The following MYO1E variants were observed in gnomAD, a reference collection of about 807,000 sequenced individuals.
The protein encoded by MYO1E is unconventional myosin-Ie.
MYO1E carries 68 observed loss-of-function variants against 151.1 expected under a neutral mutation model. The observed-to-expected ratio is 0.45, with a 90% CI of 0.37 to 0.55. The LOEUF (loss-of-function observed/expected upper bound fraction) is 0.55. Among genes scored for constraint, MYO1E ranks in the 20% least tolerant of loss-of-function variants. The pLI is 0.00. For synonymous variants in MYO1E, 601 were observed against 501.7 expected, an observed-to-expected ratio of 1.20 and a Z score of -2.64; for missense variants, 1,363 against 1,389.3, an observed-to-expected ratio of 0.98 and a Z score of 0.30.
At chr15:59,372,420 C>G in intron 1 of MYO1E, 78 bp downstream of exon 1, 5 of 1,525,052 alleles carry the variant, frequency 3.3e-6, no homozygotes, top group East Asian at 2.5e-5. Flanking sequence ...GCAGCGCGCC[C>G]AAGGTGGGTG....
At chr15:59,275,188 T>G (rs1382204688) in intron 1 of MYO1E, among the ~76,000 whole-genome samples, 1 of 152,172 alleles carries the variant, frequency 6.6e-6, no homozygotes, top group East Asian at 1.9e-4. Context: ...ACTGACTTAT[T>G]GGATATTTCT....
rs1471685362 is a variant in MYO1E, at chr15:59,133,902, G to C, written c.*3478C>G. ...GATGAGTTCAGGAGGGAGTCGCAAA[G>C]AGAAGGAATTTAGATTATGTAAAAG... is the stretch of plus-strand genomic sequence containing the variant. On this transcript the variant is annotated 3_prime_UTR_variant, in exon 28 of 28. Transcript: ENST00000288235. The C allele has an allele frequency of 6.6e-6, 1 of 152,230 alleles. No homozygotes were observed. Among genetic ancestry groups the C allele is most frequent in the African/African-American group, 2.4e-5 (1 of 41,452 alleles). The allele number at this position is 152,230 out of a possible 1,614,324, so 9.4% of individuals were successfully genotyped here. A position where few individuals can be genotyped will look rare whatever the true frequency, so the allele number is the denominator to read the frequency against.
intron 9 of MYO1E, among the ~76,000 whole-genome samples, chr15:59,222,743 C>A (rs1322028783): frequency 2.6e-5 from 4 of 152,020 alleles, no homozygotes; most frequent in Non-Finnish European, 5.9e-5. Flanking sequence ...TACTCTAATC[C>A]CCATTAAAGA....
intron 18 of MYO1E, among the ~76,000 whole-genome samples, chr15:59,185,562 C>T (rs746461308): frequency 2.6e-5 from 4 of 152,136 alleles, no homozygotes; most frequent in East Asian, 1.9e-4. Flanking sequence ...CCACCGTGCC[C>T]GGCCCCTCTT....
chr15:59,371,034 C>T (rs1299705370), intron 1 of MYO1E, among the ~76,000 whole-genome samples: 1 of 152,064 alleles, frequency 6.6e-6, no homozygotes. Context: ...ACTTCTTAAA[C>T]CTTAAAACTA....
intron 15 of MYO1E, 139 bp downstream of exon 15, chr15:59,205,261 C>A: frequency 1.2e-6 from 1 of 866,078 alleles, no homozygotes; most frequent in Non-Finnish European, 2.0e-6. Context: ...CTCCTAGGAT[C>A]AAGTGATCCT....
At chr15:59,370,444 T>G (rs1471800004) in intron 1 of MYO1E, among the ~76,000 whole-genome samples, 2 of 152,252 alleles carry the variant, frequency 1.3e-5, no homozygotes, top group African/African-American at 4.8e-5. Context: ...GCACATCTCC[T>G]GTTTCAGGAC....
At chr15:59,345,927 G>A (rs1226857150) in intron 1 of MYO1E, among the ~76,000 whole-genome samples, 3 of 152,208 alleles carry the variant, frequency 2.0e-5, no homozygotes, top group East Asian at 1.9e-4. Context: ...TCCAGCAGTT[G>A]CATTGCTTTC....
At chr15:59,183,500 T>C (rs916346734) in intron 18 of MYO1E, among the ~76,000 whole-genome samples, 4 of 152,058 alleles carry the variant, frequency 2.6e-5, no homozygotes, top group Non-Finnish European at 4.4e-5. Context: ...GCACCTGGAC[T>C]GATAAGTTTT....
chr15:59,227,486 T>C lies in MYO1E; in HGVS notation c.615A>G (p.Gly205=). ...GGTAAAATATGTGAAAACTCCGCTCTCCTGGGTTCCTCATCACCACCCTAG... is the reference window on the plus strand; with the variant it reads ...GGTAAAATATGTGAAAACTCCGCTCCCCTGGGTTCCTCATCACCACCCTAG... ...EKSRVVMRNP[G]ERSFHIFYQL... is the part of the protein sequence containing the mutation. Residue 205 remains glycine, a synonymous_variant, in exon 7 of 28, where the codon GGA becomes GGG. Coordinates refer to ENST00000288235, the MANE Select transcript of MYO1E (RefSeq NM_004998.4). 6.2e-7 allele frequency: 1 copy of C among 1,614,186 alleles called. No individual in the cohort carries two copies. The highest frequency in any genetic ancestry group is 8.5e-7 in the Non-Finnish European group (1 of 1,180,024).
At chr15:59,199,438 C>T (rs2079787641) in intron 16 of MYO1E, among the ~76,000 whole-genome samples, 2 of 152,112 alleles carry the variant, frequency 1.3e-5, no homozygotes, top group South Asian at 4.1e-4. Flanking sequence ...ATCCAAAATG[C>T]TCCAAAATTT....
At chr15:59,265,269 T>G (rs2080246622) in intron 2 of MYO1E, among the ~76,000 whole-genome samples, 1 of 152,154 alleles carries the variant, frequency 6.6e-6, no homozygotes, top group African/African-American at 2.4e-5. Flanking sequence ...AATTGATCAC[T>G]GCACACAAAG....
intron 4 of MYO1E, among the ~76,000 whole-genome samples, chr15:59,244,260 G>A (rs1353526978): frequency 6.6e-6 from 1 of 152,178 alleles, no homozygotes; most frequent in East Asian, 1.9e-4. Flanking sequence ...GCTCATCTTG[G>A]CCCAGCCTGA....
chr15:59,299,026 A>G (rs2080467432), intron 1 of MYO1E, among the ~76,000 whole-genome samples: 1 of 152,248 alleles, frequency 6.6e-6, no homozygotes, highest in African/African-American at 2.4e-5. Context: ...CCTGGTCTCT[A>G]TGGCAAATTA....
intron 26 of MYO1E, among the ~76,000 whole-genome samples, chr15:59,142,682 G>A (rs1348988850): frequency 2.6e-5 from 4 of 152,022 alleles, no homozygotes; most frequent in African/African-American, 7.2e-5. Context: ...TGCCAGGGGC[G>A]GCCCCTGCTC....
chr15:59,312,166 C>T (rs372511118), intron 1 of MYO1E, among the ~76,000 whole-genome samples: 37 of 152,300 alleles, frequency 2.4e-4, no homozygotes, highest in African/African-American at 8.9e-4. Context: ...CAAGAACACA[C>T]ATAAGAGCAT....
rs1174319772 is a variant in MYO1E at position 59,325,764 on chromosome 15, G to A, written c.3+46734C>T. ...ACTGCTGTGCTTGGTGAGCACAGGA[G>A]CAGGTGTCCATTTCCATGGCATCTG... is the stretch of plus-strand genomic sequence containing the variant. On this transcript the variant is annotated intron_variant, in intron 1 of 27. Coordinates refer to ENST00000288235, the MANE Select transcript of MYO1E (RefSeq NM_004998.4). Among the ~76,000 whole-genome samples the A allele has an allele frequency of 1.1e-4, 16 of 152,316 alleles. No individual in the cohort carries two copies. The East Asian group carries it at 2.5e-3, about 24-fold the overall frequency.
chr15:59,277,653 G>A (rs1383716917), intron 1 of MYO1E, among the ~76,000 whole-genome samples: 6 of 152,006 alleles, frequency 3.9e-5, no homozygotes, highest in African/African-American at 1.5e-4. Flanking sequence ...AAAGATACAT[G>A]TGCAAGGTTG....
intron 18 of MYO1E, among the ~76,000 whole-genome samples, chr15:59,184,100 G>A (rs909671110): frequency 2.0e-5 from 3 of 152,118 alleles, no homozygotes; most frequent in Admixed American, 6.5e-5. Flanking sequence ...CCTCTGCCTT[G>A]GGTTCCAGCA....
Sources: allele counts gnomAD v4.1 joint callset (sites outside exome capture counted in the v4.1 genomes callset), GRCh38; gene constraint gnomAD v4.1.1; transcripts MANE v1.5; gene names NCBI Gene and HGNC (gene_info 2026-07-23, HGNC 2026-07-21).